The following RMP64 variants were observed in gnomAD, a reference collection of about 807,000 sequenced individuals.
RMP64 encodes the protein ribonuclease MRP subunit p64, also known as nucleolus and neural progenitor protein.
the RMP64 span, chr3:113,013,208 C>T: frequency 6.5e-7 from 1 of 1,549,110 alleles, no homozygotes; most frequent in Non-Finnish European, 8.9e-7. Flanking sequence ...AACAAAAATA[C>T]TGTTAAAAAT....
the RMP64 span, chr3:113,014,291 T>G: frequency 1.8e-5 from 6 of 337,128 alleles, no homozygotes; most frequent in Admixed American, 1.8e-4. Flanking sequence ...ACAATGAGCT[T>G]GATGTCATAA....
the RMP64 span, chr3:113,013,095 C>A: frequency 4.5e-6 from 3 of 673,144 alleles, no homozygotes. Context: ...GACAGGCAGT[C>A]TCTGGCAATG....
chr3:113,019,564 C>T, the RMP64 span: 4,273 of 1,613,754 alleles, frequency 2.6e-3, 6 homozygotes, highest in Non-Finnish European at 3.3e-3. Flanking sequence ...CGGGGTTCTG[C>T]ACTGTCACTG....
the RMP64 span, among the ~76,000 whole-genome samples, chr3:113,007,315 C>A: frequency 6.6e-6 from 1 of 151,666 alleles, no homozygotes; most frequent in Admixed American, 6.6e-5. Flanking sequence ...TTTTTTTTTT[C>A]TAAAACAGGA....
At chr3:113,019,449 A>C in the RMP64 span, 1 of 1,011,842 alleles carries the variant, frequency 9.9e-7, no homozygotes, top group Non-Finnish European at 1.5e-6. Context: ...CCGGGCCGGG[A>C]AGTCCCGGTA....
the RMP64 span, chr3:113,013,424 T>G: frequency 6.5e-7 from 1 of 1,540,540 alleles, no homozygotes; most frequent in South Asian, 1.2e-5. Flanking sequence ...ATAGAAAAAG[T>G]ACATTACTTT....
chr3:113,013,082 A>G, the RMP64 span: 5 of 649,294 alleles, frequency 7.7e-6, no homozygotes, highest in Non-Finnish European at 1.4e-5. Flanking sequence ...CGTGCTGAAC[A>G]GTGACAGGCA....
the RMP64 span, among the ~76,000 whole-genome samples, chr3:113,013,779 T>G: frequency 1.3e-5 from 2 of 152,150 alleles, no homozygotes; most frequent in Admixed American, 1.3e-4. Flanking sequence ...CTCCCATAGA[T>G]CAATGTCAGA....
chr3:113,013,850 T>C, the RMP64 span: 1 of 832,696 alleles, frequency 1.2e-6, no homozygotes, highest in Non-Finnish European at 2.0e-6. Context: ...TGAGGTATAA[T>C]TGGTTATATT....
the RMP64 span, chr3:113,005,500 G>C: frequency 6.4e-5 from 86 of 1,341,558 alleles, no homozygotes; most frequent in Non-Finnish European, 9.0e-5. Flanking sequence ...AACTAGCCTT[G>C]TTAATCACTT....
the RMP64 span, chr3:113,005,358 G>T: frequency 4.1e-5 from 24 of 588,772 alleles, no homozygotes; most frequent in African/African-American, 4.3e-4. Context: ...AATACTTGTT[G>T]ATGAAATGAC....
the RMP64 span, chr3:113,011,141 A>T: frequency 6.2e-7 from 1 of 1,613,538 alleles, no homozygotes; most frequent in Non-Finnish European, 8.5e-7. Context: ...ATTCCAAGCA[A>T]GGTTTCTTCA....
At chr3:113,007,035 TAAACACCAG>T in the RMP64 span, among the ~76,000 whole-genome samples, 1 of 152,182 alleles carries the variant, frequency 6.6e-6, no homozygotes, top group African/African-American at 2.4e-5. Context: ...GTTTAACCAA[TAAACACCAG>T]TTTGCTACCC....
At chr3:113,013,117 C>A in the RMP64 span, 1 of 755,958 alleles carries the variant, frequency 1.3e-6, no homozygotes, top group South Asian at 1.8e-5. Flanking sequence ...CTGCATCAGG[C>A]AATTCCTGAG....
chr3:113,017,703 A>G, the RMP64 span: 1 of 1,131,888 alleles, frequency 8.8e-7, no homozygotes, highest in Admixed American at 2.2e-5. Flanking sequence ...TTTGTTTTAA[A>G]GGAATCAAAA....
the RMP64 span, chr3:113,005,940 T>G: frequency 6.2e-7 from 1 of 1,613,926 alleles, no homozygotes; most frequent in Non-Finnish European, 8.5e-7. Context: ...GAAGTTTTGA[T>G]ACCTGAGCCA....
chr3:113,012,773 A>G, the RMP64 span: 8 of 1,610,202 alleles, frequency 5.0e-6, no homozygotes, highest in African/African-American at 1.3e-5. Context: ...AAGGTTTAAA[A>G]TAATGAACTC....
the RMP64 span, chr3:113,017,623 A>G: frequency 6.2e-7 from 1 of 1,602,006 alleles, no homozygotes; most frequent in Non-Finnish European, 8.6e-7. Context: ...GACATCTAAT[A>G]AGATTTAGTA....
At chr3:113,005,811 G>A in the RMP64 span, 269 of 1,613,902 alleles carry the variant, frequency 1.7e-4, no homozygotes, top group African/African-American at 2.8e-3. Flanking sequence ...GCACTCTTCC[G>A]AGTCCCTTGA....
Sources: allele counts gnomAD v4.1 joint callset (sites outside exome capture counted in the v4.1 genomes callset), GRCh38; gene constraint gnomAD v4.1.1; transcripts MANE v1.5; gene names NCBI Gene and HGNC (gene_info 2026-07-23, HGNC 2026-07-21).